PDCD6IP: variants seen among roughly 807,000 people sequenced by gnomAD.
PDCD6IP encodes programmed cell death 6-interacting protein.
A neutral mutation model predicts 103.7 loss-of-function variants in PDCD6IP; 43 were observed. That is an observed-to-expected ratio of 0.41 (90% CI 0.32 to 0.53). The LOEUF (loss-of-function observed/expected upper bound fraction) is 0.53, where lower values mean the gene tolerates loss of function less well. PDCD6IP is among the 20% of genes least tolerant of loss of function. The pLI is 0.16. For synonymous variants in PDCD6IP, 354 were observed against 378.7 expected (o/e 0.93, Z 0.76); for missense variants, 871 against 1,036.7 (o/e 0.84, Z 2.20).
chr3:33,822,745 T>C (rs575923443), intron 4 of PDCD6IP, among the ~76,000 whole-genome samples: 1 of 152,316 alleles, frequency 6.6e-6, no homozygotes, highest in East Asian at 1.9e-4. Context: ...AAGCTCCGCC[T>C]CCTGGGTTCA....
intron 15 of PDCD6IP, among the ~76,000 whole-genome samples, chr3:33,862,695 A>C (rs1697979664): frequency 6.6e-6 from 1 of 152,206 alleles, no homozygotes; most frequent in African/African-American, 2.4e-5. Context: ...AGAAATTTGC[A>C]TAATGGTTTG....
rs748037197 is a variant in PDCD6IP, at chr3:33,826,647, A to G, written c.717+67A>G. Reference sequence around the variant, plus strand: ...GAAATATTTAGACTTTTTTGTGTATAAGAAGCAAGTTGAAACTTATAAAGA... The same window carrying G: ...GAAATATTTAGACTTTTTTGTGTATGAGAAGCAAGTTGAAACTTATAAAGA... On this transcript the variant is annotated intron_variant, in intron 6 of 17. Coordinates refer to ENST00000307296, the MANE Select transcript of PDCD6IP (RefSeq NM_013374.6). The G allele has an allele frequency of 1.6e-5, 25 of 1,590,328 alleles. No homozygotes were observed. In the East Asian group the frequency reaches 4.6e-4, roughly 29 times the overall value.
chr3:33,866,661 A>G lies in PDCD6IP; in HGVS notation c.*136A>G, dbSNP rs1328368679. The G allele has an allele frequency of 3.2e-6, 2 of 618,974 alleles. No homozygotes were observed. Among genetic ancestry groups the G allele is most frequent in the African/African-American group, 1.9e-5 (1 of 52,804 alleles). The allele number at this position is 618,974 out of a possible 1,614,324, so 38.3% of individuals were successfully genotyped here. ...TGAATGCAGTGTATAATTTCTGTCT[A>G]CAGCTAGAAGCTGTGCCCCAGTTCC... On this transcript the variant is annotated 3_prime_UTR_variant, in exon 18 of 18. Coordinates refer to ENST00000307296, the MANE Select transcript of PDCD6IP (RefSeq NM_013374.6).
chr3:33,865,511 C>A, intron 17 of PDCD6IP, 81 bp downstream of exon 17: 1 of 1,171,306 alleles, frequency 8.5e-7, no homozygotes. Context: ...CAGGGTCATC[C>A]CTTCTCCAAA....
chr3:33,827,997 TTAGA>T (rs958689283), intron 6 of PDCD6IP: 4 of 152,166 alleles, frequency 2.6e-5, no homozygotes, highest in Non-Finnish European at 5.9e-5. Context: ...CATTTTTTGT[TTAGA>T]TAGTGATTGT....
intron 15 of PDCD6IP, among the ~76,000 whole-genome samples, chr3:33,862,935 GA>G (rs1697984681): frequency 6.6e-6 from 1 of 152,094 alleles, no homozygotes; most frequent in Admixed American, 6.6e-5. Context: ...TGTGATCTCT[GA>G]AAATGTTTAC....
At chr3:33,848,769 T>C (rs974925619) in intron 12 of PDCD6IP, among the ~76,000 whole-genome samples, 6 of 152,226 alleles carry the variant, frequency 3.9e-5, no homozygotes, top group African/African-American at 1.4e-4. Flanking sequence ...ATTTTAAATC[T>C]AAAACTGGGG....
intron 12 of PDCD6IP, among the ~76,000 whole-genome samples, chr3:33,850,791 C>G (rs994625566): frequency 6.6e-6 from 1 of 152,052 alleles, no homozygotes; most frequent in Non-Finnish European, 1.5e-5. Flanking sequence ...CCTCCTCCTT[C>G]CTTTTAGAGT....
rs764179403 is a variant in PDCD6IP at position 33,828,746 on chromosome 3, G to A, written c.718-107G>A. On this transcript the variant is annotated intron_variant, in intron 6 of 17. Coordinates refer to ENST00000307296, the MANE Select transcript of PDCD6IP (RefSeq NM_013374.6). ...AACCTTAATCTCTAAACCATTAATG[G>A]GGTGATTCTAATTTCTGTCTTCTTT... is the stretch of plus-strand genomic sequence containing the variant. The A allele has an allele frequency of 7.5e-5, 87 of 1,167,148 alleles. 1 individual carries two copies. The Middle Eastern group carries it at 2.2e-3, about 29-fold the overall frequency. The allele number at this position is 1,167,148 out of a possible 1,614,324, so 72.3% of individuals were successfully genotyped here.
intron 12 of PDCD6IP, among the ~76,000 whole-genome samples, chr3:33,850,586 T>G (rs1697692388): frequency 6.6e-6 from 1 of 152,132 alleles, no homozygotes; most frequent in African/African-American, 2.4e-5. Context: ...TGTATATGTA[T>G]ATTTATTTTC....
At chr3:33,848,041 G>T (rs1178519715) in intron 12 of PDCD6IP, among the ~76,000 whole-genome samples, 2 of 151,840 alleles carry the variant, frequency 1.3e-5, no homozygotes, top group Admixed American at 6.6e-5. Context: ...TTAAAACTGT[G>T]TGCCCTCCCA....
chr3:33,829,449 C>T (rs531511450), intron 7 of PDCD6IP, among the ~76,000 whole-genome samples: 4 of 151,982 alleles, frequency 2.6e-5, no homozygotes, highest in Non-Finnish European at 5.9e-5. Context: ...CATATACTTC[C>T]ACAACTTGAG....
At chr3:33,814,679 G>T (rs1424992896) in intron 3 of PDCD6IP, among the ~76,000 whole-genome samples, 1 of 137,260 alleles carries the variant, frequency 7.3e-6, no homozygotes, top group Non-Finnish European at 1.5e-5. Context: ...GTATATATGT[G>T]TATATAATGT....
chr3:33,834,040 G>A (rs577836078), intron 7 of PDCD6IP, among the ~76,000 whole-genome samples: 1 of 152,144 alleles, frequency 6.6e-6, no homozygotes, highest in East Asian at 1.9e-4. Context: ...TTTATATTTT[G>A]CTGGCATTTT....
intron 1 of PDCD6IP, among the ~76,000 whole-genome samples, chr3:33,805,026 GTTGT>G (rs1353463002): frequency 1.3e-5 from 2 of 152,100 alleles, no homozygotes; most frequent in African/African-American, 4.8e-5. Flanking sequence ...ATGTGGATTG[GTTGT>G]TCTTGATCCC....
At chr3:33,814,588 T>TGTA (rs1442649514) in intron 3 of PDCD6IP, among the ~76,000 whole-genome samples, 87 of 75,176 alleles carry the variant, frequency 1.2e-3, no homozygotes, top group African/African-American at 3.8e-3. Context: ...TTCATGTATA[T>TGTA]TATATGTATA....
In PDCD6IP at chr3:33,806,035, G is replaced by A. The variant is rs944068929; in HGVS notation, c.210-6037G>A. ...GCTGGGATTACAGGCGTGTGCCACC[G>A]TGCCCAGCCTAAACTAGAATTTCTA... On this transcript the variant is annotated intron_variant, in intron 1 of 17. Coordinates refer to ENST00000307296, the MANE Select transcript of PDCD6IP (RefSeq NM_013374.6). 3.9e-5 allele frequency among the ~76,000 whole-genome samples: 6 copies of A among 152,190 alleles called. No homozygotes were observed. The South Asian group carries it at 1.0e-3, about 26-fold the overall frequency.
At chr3:33,799,536 A>C (rs925793525) in intron 1 of PDCD6IP, 2 of 152,328 alleles carry the variant, frequency 1.3e-5, no homozygotes, top group African/African-American at 4.8e-5. Context: ...TGAACCGTTC[A>C]AGGTAGGTTG....
rs555383417 is a variant in PDCD6IP, at chr3:33,835,243, ATT to A, written c.835-795_835-794del. ...TGTTCACTTCCTGTGTTGTTGGATAATTTTTTTCAGATCCACCCTTTCACTGA... is the reference window on the plus strand; with the variant it reads ...TGTTCACTTCCTGTGTTGTTGGATAATTTTTCAGATCCACCCTTTCACTGA... On this transcript the variant is annotated intron_variant, in intron 7 of 17. Transcript: ENST00000307296. 6.9e-4 allele frequency: 313 copies of A among 456,468 alleles called. 2 individuals are homozygous for A. The highest frequency in any genetic ancestry group is 5.3e-3 in the African/African-American group (267 of 50,096). The allele number at this position is 456,468 out of a possible 1,614,324, so 28.3% of individuals were successfully genotyped here. A position where few individuals can be genotyped will look rare whatever the true frequency, so the allele number is the denominator to read the frequency against.
Sources: gnomAD v4.1 joint callset for allele counts (sites outside exome capture counted in the v4.1 genomes callset) on GRCh38, gnomAD v4.1.1 for gene constraint, MANE v1.5 for transcripts, NCBI Gene and HGNC (gene_info 2026-07-23, HGNC 2026-07-21) for gene names.